CHST9: variants seen among roughly 807,000 people sequenced by gnomAD.
CHST9 encodes the protein carbohydrate sulfotransferase 9.
Under a neutral mutation model 44.4 loss-of-function variants are expected in CHST9, and 41 were observed. The ratio of observed to expected loss-of-function variants is 0.92; its 90% CI spans 0.72 to 1.20. The LOEUF (loss-of-function observed/expected upper bound fraction) is 1.20. Among genes scored for constraint, CHST9 ranks in the 50% most tolerant of loss-of-function variants. The pLI, the probability that CHST9 is intolerant of heterozygous loss-of-function variation, is 0.00. For synonymous variants in CHST9, 171 were observed against 178.4 expected, an observed-to-expected ratio of 0.96 and a Z score of 0.33; for missense variants, 504 against 516.5, an observed-to-expected ratio of 0.98 and a Z score of 0.23.
At chr18:27,148,811 T>A (rs1488724707) in intron 1 of CHST9, among the ~76,000 whole-genome samples, 5 of 134,736 alleles carry the variant, frequency 3.7e-5, no homozygotes, top group South Asian at 2.9e-4. Context: ...TTTCTAGTTC[T>A]AGATCCCTGA....
At chr18:27,007,871 T>C (rs1300495050) in intron 4 of CHST9, among the ~76,000 whole-genome samples, 1 of 152,036 alleles carries the variant, frequency 6.6e-6, no homozygotes, top group Non-Finnish European at 1.5e-5. Flanking sequence ...CTGAAATGCA[T>C]GGCTAAGGAA....
intron 4 of CHST9, among the ~76,000 whole-genome samples, chr18:26,972,240 C>A (rs2056555409): frequency 6.6e-6 from 1 of 151,372 alleles, no homozygotes. Flanking sequence ...GCCTGTAGTC[C>A]CAGCTACTCG....
intron 3 of CHST9, among the ~76,000 whole-genome samples, chr18:27,028,595 T>C (rs2057307737): frequency 1.3e-5 from 2 of 152,066 alleles, no homozygotes; most frequent in South Asian, 4.1e-4. Context: ...TCGCCCAGGC[T>C]GGAGTGCAGT....
At chr18:27,086,131 A>G (rs1306604867) in intron 2 of CHST9, among the ~76,000 whole-genome samples, 1 of 152,146 alleles carries the variant, frequency 6.6e-6, no homozygotes, top group African/African-American at 2.4e-5. Flanking sequence ...GGAGGGTGAG[A>G]GGAGGGTAAG....
chr18:26,923,193 C>T (rs1271392575), intron 5 of CHST9, among the ~76,000 whole-genome samples: 1 of 152,094 alleles, frequency 6.6e-6, no homozygotes. Context: ...TAATCTATTA[C>T]CATAGTGGCA....
At chr18:27,146,252 G>A (rs77423164) in intron 1 of CHST9, among the ~76,000 whole-genome samples, 114 of 152,292 alleles carry the variant, frequency 7.5e-4, no homozygotes, top group African/African-American at 2.6e-3. Context: ...GGGTGAGAAA[G>A]CAGTAGAAAA....
At chr18:26,974,672 T>A (rs1023945511) in intron 4 of CHST9, among the ~76,000 whole-genome samples, 1 of 148,886 alleles carries the variant, frequency 6.7e-6, no homozygotes, top group Non-Finnish European at 1.5e-5. Flanking sequence ...TCTTTCTTTT[T>A]TTTTTCCTTT....
At chr18:27,127,347 T>C (rs2058433088) in intron 2 of CHST9, among the ~76,000 whole-genome samples, 1 of 152,178 alleles carries the variant, frequency 6.6e-6, no homozygotes, top group African/African-American at 2.4e-5. Flanking sequence ...AAGGCCTGTC[T>C]TCATGGACGT....
chr18:27,045,158 C>T (rs1010545030), intron 3 of CHST9, among the ~76,000 whole-genome samples: 4 of 151,648 alleles, frequency 2.6e-5, no homozygotes, highest in African/African-American at 9.7e-5. Context: ...ATGAAAAGTA[C>T]GCAATTGATT....
intron 5 of CHST9, among the ~76,000 whole-genome samples, chr18:26,941,362 T>A (rs1182605377): frequency 6.6e-6 from 1 of 152,244 alleles, no homozygotes; most frequent in East Asian, 1.9e-4. Flanking sequence ...TTATCTGCTA[T>A]ATAAAAAGGC....
At chr18:26,979,880 C>A (rs2056670882) in intron 4 of CHST9, among the ~76,000 whole-genome samples, 1 of 152,148 alleles carries the variant, frequency 6.6e-6, no homozygotes, top group South Asian at 2.1e-4. Flanking sequence ...CATATTGTTA[C>A]TACACTACAA....
intron 3 of CHST9, among the ~76,000 whole-genome samples, chr18:27,042,426 A>G (rs1370738984): frequency 6.6e-6 from 1 of 152,036 alleles, no homozygotes; most frequent in African/African-American, 2.4e-5. Flanking sequence ...TACTCCCACC[A>G]TGGCCAATTT....
chr18:27,025,372 C>T (rs967750784), intron 3 of CHST9, among the ~76,000 whole-genome samples: 3 of 151,864 alleles, frequency 2.0e-5, no homozygotes, highest in African/African-American at 2.4e-5. Flanking sequence ...TTTAAATCAC[C>T]TAGTCTCAGT....
chr18:27,120,459 G>A (rs564892790), intron 2 of CHST9, among the ~76,000 whole-genome samples: 1 of 152,204 alleles, frequency 6.6e-6, no homozygotes, highest in South Asian at 2.1e-4. Flanking sequence ...TAAGGTTGGT[G>A]GTTCTTGAGC....
At chr18:26,929,500 C>T (rs1486153956) in intron 5 of CHST9, among the ~76,000 whole-genome samples, 1 of 152,204 alleles carries the variant, frequency 6.6e-6, no homozygotes, top group Non-Finnish European at 1.5e-5. Context: ...CCGGGCATAT[C>T]ATCTATAACG....
intron 1 of CHST9, among the ~76,000 whole-genome samples, chr18:27,159,625 G>A (rs1024359311): frequency 7.2e-5 from 11 of 152,184 alleles, no homozygotes; most frequent in African/African-American, 2.7e-4. Flanking sequence ...CTTTAAAGCA[G>A]TTTTTTCCAA....
At chr18:27,097,544 T>C (rs1304536104) in intron 2 of CHST9, among the ~76,000 whole-genome samples, 1 of 152,046 alleles carries the variant, frequency 6.6e-6, no homozygotes, top group Non-Finnish European at 1.5e-5. Flanking sequence ...GACTTTACTA[T>C]GGTTTCAGGG....
chr18:27,087,228 G>C (rs1387555265), intron 2 of CHST9, among the ~76,000 whole-genome samples: 1 of 151,988 alleles, frequency 6.6e-6, no homozygotes, highest in African/African-American at 2.4e-5. Flanking sequence ...TATGTTTATT[G>C]ACATCAGAAA....
At chr18:27,076,963 C>T (rs1161410667) in intron 2 of CHST9, among the ~76,000 whole-genome samples, 1 of 152,156 alleles carries the variant, frequency 6.6e-6, no homozygotes, top group African/African-American at 2.4e-5. Context: ...GGCTTTCATA[C>T]AAGGCATAAC....
Sources: gnomAD v4.1 joint callset for allele counts (sites outside exome capture counted in the v4.1 genomes callset) on GRCh38, gnomAD v4.1.1 for gene constraint, MANE v1.5 for transcripts, NCBI Gene and HGNC (gene_info 2026-07-23, HGNC 2026-07-21) for gene names.